Variants in FAM120B observed in about 807,000 individuals in gnomAD.
FAM120B encodes constitutive coactivator of peroxisome proliferator-activated receptor gamma.
In FAM120B, 83 loss-of-function variants were observed where a neutral mutation model predicts 96.3. That is an observed-to-expected ratio of 0.86 (90% CI 0.72 to 1.03). FAM120B has a LOEUF of 1.03. Ranked by LOEUF, FAM120B falls within the 50% of genes least tolerant of loss-of-function variation. The probability of loss-of-function intolerance (pLI) is 0.00; values close to 1 mark genes in which losing one functional copy is unlikely to be tolerated. For synonymous variants in FAM120B, 407 were observed against 402.7 expected (o/e 1.01, Z -0.13); for missense variants, 1,027 against 1,121.2 (o/e 0.92, Z 1.20).
At chr6:170,368,822 G>GGGT (rs1562574480) in intron 6 of FAM120B, among the ~76,000 whole-genome samples, 1 of 126,176 alleles carries the variant, frequency 7.9e-6, no homozygotes, top group East Asian at 3.5e-4. Context: ...GCCGGGGCTG[G>GGGT]GGGGGGGGCT....
At chr6:170,329,676 G>A (rs1785870882) in intron 3 of FAM120B, among the ~76,000 whole-genome samples, 1 of 151,970 alleles carries the variant, frequency 6.6e-6, no homozygotes, top group South Asian at 2.1e-4. Flanking sequence ...TTCTCTCCTG[G>A]AAGTGCTGTG....
chr6:170,391,304 G>T, intron 8 of FAM120B, 183 bp downstream of exon 8: 1 of 545,192 alleles, frequency 1.8e-6, no homozygotes, highest in African/African-American at 1.9e-5. Flanking sequence ...GGAGGCCGAG[G>T]CAGGCAGATC....
Position 170,388,367 on chromosome 6 carries a change from C to G in FAM120B, c.2364C>G (p.Ser788Arg). ...RGLTTLVLVN[S>R]ACGFPWKTSD... The stretch of plus-strand genomic sequence containing the variant: ...TCACCACTCTGGTTTTAGTCAACAG[C>G]GCATGTGGCTTCCCCTGGAAGACGA... Residue 788 changes from serine to arginine, a missense_variant, in exon 7 of 11, where the codon AGC becomes AGG. Ser to Arg is a moderately radical substitution (Grantham distance 110, BLOSUM62 -1). This residue lies in a region of FAM120B where 880 missense variants were observed against 980.9 expected (regional missense o/e 0.90). Coordinates refer to ENST00000476287, the MANE Select transcript of FAM120B (RefSeq NM_032448.3). The G allele has an allele frequency of 6.2e-7, 1 of 1,614,112 alleles. No individual in the cohort carries two copies. The highest frequency in any genetic ancestry group is 8.5e-7 in the Non-Finnish European group (1 of 1,180,006).
chr6:170,353,475 G>A (rs1394088833), intron 5 of FAM120B, among the ~76,000 whole-genome samples: 1 of 152,114 alleles, frequency 6.6e-6, no homozygotes, highest in Non-Finnish European at 1.5e-5. Context: ...CAATATCCTT[G>A]ATGAACATTG....
At chr6:170,332,687 A>C (rs1013059159) in intron 4 of FAM120B, among the ~76,000 whole-genome samples, 3 of 151,056 alleles carry the variant, frequency 2.0e-5, no homozygotes, top group Non-Finnish European at 4.4e-5. Context: ...GACAACAGCA[A>C]GACTCCATCT....
upstream of FAM120B, among the ~76,000 whole-genome samples, chr6:170,291,681 G>T (rs922486378): frequency 6.6e-6 from 1 of 152,304 alleles, no homozygotes; most frequent in African/African-American, 2.4e-5. Context: ...TGAGCCTCGG[G>T]GAGTGCAGAG....
intron 5 of FAM120B, among the ~76,000 whole-genome samples, chr6:170,351,731 G>C (rs1270124199): frequency 6.6e-6 from 1 of 152,198 alleles, no homozygotes; most frequent in Non-Finnish European, 1.5e-5. Flanking sequence ...TTTCAGACAA[G>C]CAAATGCTTA....
Position 170,318,449 on chromosome 6 carries a change from T to G in FAM120B, c.1059T>G (p.Val353=). The G allele has an allele frequency of 6.2e-7, 1 of 1,607,432 alleles. No individual in the cohort carries two copies. Among genetic ancestry groups the G allele is most frequent in the Non-Finnish European group, 8.5e-7 (1 of 1,175,656 alleles). ...MCSDAESRQE[V]PMCTGPESRR... ...CAGATGCTGAATCCAGGCAAGAAGT[T>G]CCCATGTGTACAGGCCCTGAATCCA... is the stretch of plus-strand genomic sequence containing the variant. The change falls in exon 2 of 11, where the codon GTT becomes GTG. Residue 353 remains valine (V), a synonymous_variant. Coordinates refer to ENST00000476287, the MANE Select transcript of FAM120B (RefSeq NM_032448.3).
chr6:170,379,157 T>C (rs1286846613), intron 6 of FAM120B, among the ~76,000 whole-genome samples: 1 of 152,182 alleles, frequency 6.6e-6, no homozygotes, highest in Non-Finnish European at 1.5e-5. Flanking sequence ...AGGGGTCCTT[T>C]AGTGGGGATC....
intron 7 of FAM120B, among the ~76,000 whole-genome samples, chr6:170,390,269 C>T (rs1384260818): frequency 6.6e-6 from 1 of 152,154 alleles, no homozygotes; most frequent in African/African-American, 2.4e-5. Context: ...GTATTTAGAA[C>T]TTAGAAGCAG....
At chr6:170,333,176 C>T (rs570277550) in intron 4 of FAM120B, among the ~76,000 whole-genome samples, 2 of 150,606 alleles carry the variant, frequency 1.3e-5, no homozygotes, top group Non-Finnish European at 3.0e-5. Context: ...CCCCGCCCCC[C>T]GCAATTCCTG....
chr6:170,348,502 G>A (rs950439959), intron 5 of FAM120B, among the ~76,000 whole-genome samples, 179 bp downstream of exon 5: 3 of 152,136 alleles, frequency 2.0e-5, no homozygotes, highest in Non-Finnish European at 4.4e-5. Context: ...GGCAAAATAC[G>A]TACAAGAAAC....
At chr6:170,404,014 A>T (rs1778709349) in intron 9 of FAM120B, among the ~76,000 whole-genome samples, 1 of 152,212 alleles carries the variant, frequency 6.6e-6, no homozygotes, top group South Asian at 2.1e-4. Context: ...ACCAGAAGAT[A>T]ACTCAGAGCA....
At position 170,391,050 on chromosome 6, in the gene FAM120B, T is replaced by C. The variant is rs762407428; in HGVS notation, c.2528T>C (p.Val843Ala). ...ACCAAATTCCACAACCTGAAGGCAG[T>C]CGTCTGCAAGGCCTGCATGAAGGAG... ...RLTKFHNLKA[V>A]VCKACMKENR... Residue 843 changes from valine (V) to alanine (A), a missense_variant, in exon 8 of 11, where the codon GTC becomes GCC. Val to Ala is a moderately conservative substitution (Grantham distance 64). Around this residue, in one of 3 missense-constraint regions of FAM120B, gnomAD observed 142 missense variants for 122.5 expected, o/e 1.16. Coordinates refer to ENST00000476287, the MANE Select transcript of FAM120B (RefSeq NM_032448.3). 6.2e-7 allele frequency: 1 copy of C among 1,614,182 alleles called. No homozygotes were observed. The highest frequency in any genetic ancestry group is 1.1e-5 in the South Asian group (1 of 91,076).
chr6:170,388,376 CTTCCCCTGGAAGACGAGTGAT>C lies in FAM120B; in HGVS notation c.2377_2397del (p.Pro793_Phe799del). 6.2e-7 allele frequency: 1 copy of C among 1,614,174 alleles called. No individual in the cohort carries two copies. The highest frequency in any genetic ancestry group is 8.5e-7 in the Non-Finnish European group (1 of 1,180,024). Reference sequence around the variant, plus strand: ...TGGTTTTAGTCAACAGCGCATGTGGCTTCCCCTGGAAGACGAGTGATTTCATGCCCTGGAATGTATTTGACG... The same window carrying C: ...TGGTTTTAGTCAACAGCGCATGTGGCTTCATGCCCTGGAATGTATTTGACG... On this transcript the variant is annotated inframe_deletion, in exon 7 of 11. Coordinates refer to ENST00000476287, the MANE Select transcript of FAM120B (RefSeq NM_032448.3).
At chr6:170,341,871 C>T (rs1460932480) in intron 4 of FAM120B, among the ~76,000 whole-genome samples, 1 of 152,212 alleles carries the variant, frequency 6.6e-6, no homozygotes, top group Non-Finnish European at 1.5e-5. Context: ...CAGAAATCAC[C>T]AGCCTTCTGC....
At chr6:170,365,286 G>C (rs1187159288) in intron 6 of FAM120B, among the ~76,000 whole-genome samples, 1 of 152,224 alleles carries the variant, frequency 6.6e-6, no homozygotes. Flanking sequence ...CATGGAGGAC[G>C]AGGATTCATG....
chr6:170,361,213 T>C (rs1367107192), intron 6 of FAM120B, among the ~76,000 whole-genome samples: 15 of 100,500 alleles, frequency 1.5e-4, no homozygotes, highest in East Asian at 1.7e-3. Context: ...TATATATATA[T>C]ATATATATAT....
At chr6:170,373,578 A>G (rs1789329702) in intron 6 of FAM120B, among the ~76,000 whole-genome samples, 1 of 152,212 alleles carries the variant, frequency 6.6e-6, no homozygotes, top group Non-Finnish European at 1.5e-5. Flanking sequence ...TTGATTAGTA[A>G]TTTGAAAATT....
Sources: allele counts gnomAD v4.1 joint callset (sites outside exome capture counted in the v4.1 genomes callset), GRCh38; gene constraint gnomAD v4.1.1; regional missense constraint gnomAD v4.1.1; transcripts MANE v1.5; gene names NCBI Gene and HGNC (gene_info 2026-07-23, HGNC 2026-07-21).